SMYD3: variants seen among roughly 807,000 people sequenced by gnomAD.
SMYD3 encodes the protein histone-lysine N-methyltransferase SMYD3.
In SMYD3, 36 loss-of-function variants were observed where a neutral mutation model predicts 57.7. That is an observed-to-expected ratio of 0.62 (90% confidence interval 0.48 to 0.82). SMYD3 has a LOEUF of 0.82. Ranked by LOEUF, SMYD3 falls within the 40% of genes least tolerant of loss-of-function variation. The pLI is 0.00. For synonymous variants in SMYD3, 211 were observed against 195.0 expected (o/e 1.08, Z -0.68); for missense variants, 515 against 538.8 (o/e 0.96, Z 0.44).
At chr1:246,282,322 A>C (rs77735218) in intron 5 of SMYD3, among the ~76,000 whole-genome samples, 24 of 93,292 alleles carry the variant, frequency 2.6e-4, no homozygotes, top group Middle Eastern at 5.0e-3. Context: ...AAAAAAAAAA[A>C]AAAAAAAAAA....
intron 1 of SMYD3, among the ~76,000 whole-genome samples, chr1:246,405,829 G>A (rs1262207082): frequency 2.0e-5 from 3 of 148,238 alleles, no homozygotes; most frequent in Non-Finnish European, 4.4e-5. Context: ...AGAATGGCGT[G>A]AACCCAGGAG....
At chr1:246,153,185 G>C (rs2061970931) in intron 5 of SMYD3, among the ~76,000 whole-genome samples, 1 of 152,158 alleles carries the variant, frequency 6.6e-6, no homozygotes, top group African/African-American at 2.4e-5. Context: ...AGAAGCCACA[G>C]CCCTGCTACC....
intron 1 of SMYD3, among the ~76,000 whole-genome samples, chr1:246,368,563 T>G (rs34588691): frequency 0.54 from 81,370 of 151,932 alleles, 22,547 homozygotes; most frequent in Middle Eastern, 0.71. Flanking sequence ...TACCTAAAAG[T>G]CTCTGTGATG....
chr1:246,054,895 G>T (rs1027399218), intron 5 of SMYD3, among the ~76,000 whole-genome samples: 3 of 108,980 alleles, frequency 2.8e-5, no homozygotes, highest in African/African-American at 1.2e-4. Context: ...AAAAAAAAAG[G>T]CCAGGTGCGG....
At chr1:245,990,783 C>T (rs1309259860) in intron 5 of SMYD3, among the ~76,000 whole-genome samples, 3 of 152,208 alleles carry the variant, frequency 2.0e-5, no homozygotes, top group Admixed American at 1.3e-4. Context: ...GGACTCATGT[C>T]GGACTTTGGA....
chr1:246,493,819 C>A (rs1347854913), intron 1 of SMYD3, among the ~76,000 whole-genome samples: 1 of 124,728 alleles, frequency 8.0e-6, no homozygotes, highest in African/African-American at 2.6e-5. Context: ...CCAGCACTCA[C>A]CCTTCACCAC....
intron 1 of SMYD3, among the ~76,000 whole-genome samples, chr1:246,405,909 C>CAAA (rs372884120): frequency 8.0e-5 from 7 of 87,428 alleles, no homozygotes; most frequent in East Asian, 3.2e-4. Flanking sequence ...GACTCTGTCT[C>CAAA]AAAAAAAAAA....
intron 5 of SMYD3, among the ~76,000 whole-genome samples, chr1:246,243,050 A>G (rs1275741298): frequency 1.3e-5 from 2 of 152,196 alleles, no homozygotes; most frequent in African/African-American, 4.8e-5. Context: ...TCAATGAGAC[A>G]GAAAGTTAAC....
chr1:245,777,183 T>C (rs1264149373), intron 10 of SMYD3, among the ~76,000 whole-genome samples: 1 of 152,178 alleles, frequency 6.6e-6, no homozygotes, highest in Non-Finnish European at 1.5e-5. Context: ...CAGCAGTTCA[T>C]ACAGTTAGTG....
intron 5 of SMYD3, among the ~76,000 whole-genome samples, chr1:246,224,832 G>A (rs1337635889): frequency 6.6e-6 from 1 of 152,006 alleles, no homozygotes; most frequent in Non-Finnish European, 1.5e-5. Flanking sequence ...GTAATGACTA[G>A]ATTTTTGTAC....
At chr1:245,797,843 AAAAAAG>A (rs1418893416) in intron 10 of SMYD3, among the ~76,000 whole-genome samples, 45 of 151,402 alleles carry the variant, frequency 3.0e-4, no homozygotes, top group African/African-American at 1.0e-3. Context: ...AAAAAAAAAA[AAAAAAG>A]GTGGATCAAG....
At chr1:245,843,144 T>C (rs1454762051) in intron 10 of SMYD3, among the ~76,000 whole-genome samples, 1 of 152,168 alleles carries the variant, frequency 6.6e-6, no homozygotes, top group Admixed American at 6.5e-5. Flanking sequence ...GTCTTAATAC[T>C]CTCCCACTCA....
At chr1:246,055,557 G>A (rs1229477969) in intron 5 of SMYD3, among the ~76,000 whole-genome samples, 1 of 152,202 alleles carries the variant, frequency 6.6e-6, no homozygotes, top group Admixed American at 6.5e-5. Context: ...GCACACCTTT[G>A]CTCGCTGCAG....
chr1:245,863,890 C>T lies in SMYD3; in HGVS notation c.814-4G>A. On this transcript the variant is annotated splice_polypyrimidine_tract_variant and splice_region_variant and intron_variant, in intron 8 of 11. Coordinates refer to ENST00000490107, the MANE Select transcript of SMYD3 (RefSeq NM_001167740.2). ...CACCAGTTAGCATATCAGCATCCTG[C>T]TCAGGCCAGAAAAGGAAGACAAATA... 1 of 1,613,898 alleles carries T rather than the reference C, an allele frequency of 6.2e-7. No individual in the cohort carries two copies. The highest frequency in any genetic ancestry group is 8.5e-7 in the Non-Finnish European group (1 of 1,179,778).
intron 10 of SMYD3, among the ~76,000 whole-genome samples, chr1:245,831,659 C>G (rs1339777287): frequency 6.6e-6 from 1 of 152,224 alleles, no homozygotes. Context: ...TTTCCAGTGA[C>G]TGGAGGTCAA....
At chr1:246,246,657 T>C (rs1464387483) in intron 5 of SMYD3, among the ~76,000 whole-genome samples, 4 of 152,058 alleles carry the variant, frequency 2.6e-5, no homozygotes, top group African/African-American at 9.7e-5. Context: ...ATAATATGCA[T>C]TAATAGTATA....
intron 10 of SMYD3, among the ~76,000 whole-genome samples, chr1:245,822,854 A>T (rs1384234065): frequency 6.6e-6 from 1 of 152,180 alleles, no homozygotes; most frequent in African/African-American, 2.4e-5. Flanking sequence ...AAATCTTCCT[A>T]GGAAAGACTC....
chr1:245,952,318 T>C (rs771291172), intron 5 of SMYD3, among the ~76,000 whole-genome samples: 2 of 150,658 alleles, frequency 1.3e-5, no homozygotes, highest in Non-Finnish European at 3.0e-5. Flanking sequence ...AAACAAGGCA[T>C]GAAAAGAAAA....
chr1:246,429,193 T>C (rs2067264049), intron 1 of SMYD3, among the ~76,000 whole-genome samples: 1 of 151,630 alleles, frequency 6.6e-6, no homozygotes, highest in Admixed American at 6.6e-5. Context: ...TGCCATGTAA[T>C]GAGCTGGATT....
Sources: allele counts gnomAD v4.1 joint callset (sites outside exome capture counted in the v4.1 genomes callset), GRCh38; gene constraint gnomAD v4.1.1; transcripts MANE v1.5; gene names NCBI Gene and HGNC (gene_info 2026-07-23, HGNC 2026-07-21).